ZC3H6: variants seen among roughly 807,000 people sequenced by gnomAD.
ZC3H6 encodes zinc finger CCCH-type containing 6.
ZC3H6 carries 40 observed loss-of-function variants against 107.7 expected under a neutral mutation model. The ratio of observed to expected loss-of-function variants is 0.37; its 90% CI spans 0.29 to 0.48. ZC3H6 has a LOEUF of 0.48. ZC3H6 is among the 20% of genes least tolerant of loss of function. ZC3H6 has a pLI of 0.98. For missense variants in ZC3H6, 1,267 were observed against 1,410.4 expected, an observed-to-expected ratio of 0.90 and a Z score of 1.63; for synonymous variants, 493 against 487.9, an observed-to-expected ratio of 1.01 and a Z score of -0.14.
chr2:112,325,215 A>T lies in ZC3H6; in HGVS notation c.2086+18A>T, dbSNP rs1246919165. On this transcript the variant is annotated intron_variant, in intron 11 of 11. Coordinates refer to ENST00000409871, the MANE Select transcript of ZC3H6 (RefSeq NM_198581.3). The stretch of plus-strand genomic sequence containing the variant: ...GGAAGAAGGTGTGTCAGAAGTTATT[A>T]ATAGCATCTTACCTATTTGGATGGG... 1.2e-6 allele frequency: 2 copies of T among 1,610,670 alleles called. No individual in the cohort carries two copies. Among genetic ancestry groups the T allele is most frequent in the Non-Finnish European group, 1.7e-6 (2 of 1,177,350 alleles).
chr2:112,317,352 T>TTAAATAA lies in ZC3H6; in HGVS notation c.976+20_976+21insTAAATAA. The TTAAATAA allele has an allele frequency of 7.9e-7, 1 of 1,272,836 alleles. No individual in the cohort carries two copies. The highest frequency in any genetic ancestry group is 1.1e-6 in the Non-Finnish European group (1 of 915,146). 78.8% of individuals were successfully genotyped at this position (1,272,836 alleles called of 1,614,324 possible). ...TGCATAATATCCTTTATTTAAAATG[T>TTAAATAA]ATGTTAAATAAAATGCTGGGGTTTT... On this transcript the variant is annotated intron_variant, in intron 7 of 11. Transcript: ENST00000409871.
At position 112,338,899 on chromosome 2, in the gene ZC3H6, AT is replaced by A. The variant is rs1558961241; in HGVS notation, c.*6412del. 2.2e-4 allele frequency: 13 copies of A among 58,158 alleles called. No individual in the cohort carries two copies. The highest frequency in any genetic ancestry group is 3.6e-4 in the Non-Finnish European group (11 of 30,716). 3.6% of individuals were successfully genotyped at this position (58,158 alleles called of 1,614,324 possible). ...TATATATATATATATATATATATATATATATATATATATAATTTTTTTTTTT... is the reference window on the plus strand; with the variant it reads ...TATATATATATATATATATATATATAATATATATATATAATTTTTTTTTTT... On this transcript the variant is annotated 3_prime_UTR_variant, in exon 12 of 12. Transcript: ENST00000409871.
intron 3 of ZC3H6, among the ~76,000 whole-genome samples, chr2:112,306,614 TG>T: frequency 6.6e-6 from 1 of 152,352 alleles, no homozygotes; most frequent in East Asian, 1.9e-4. Context: ...CCTAGGATGA[TG>T]TTCTTTTCCT....
intron 1 of ZC3H6, among the ~76,000 whole-genome samples, chr2:112,288,623 GTTC>G (rs889364424): frequency 2.6e-5 from 4 of 152,188 alleles, no homozygotes; most frequent in East Asian, 1.9e-4. Flanking sequence ...AGAGCTTTGT[GTTC>G]TTCTACCTTG....
Position 112,300,356 on chromosome 2 carries a change from C to T in ZC3H6, c.213+327C>T, listed in dbSNP as rs542361871. Among the ~76,000 whole-genome samples the T allele has an allele frequency of 2.6e-5, 4 of 152,204 alleles. No homozygotes were observed. In the East Asian group the frequency reaches 7.7e-4, roughly 29 times the overall value. Reference sequence around the variant, plus strand: ...GAGTAGCTGGAACTACAGGTGCACACCACCACACTTGGCTAATGTTTTATT... The same window carrying T: ...GAGTAGCTGGAACTACAGGTGCACATCACCACACTTGGCTAATGTTTTATT... On this transcript the variant is annotated intron_variant, in intron 2 of 11. Coordinates refer to ENST00000409871, the MANE Select transcript of ZC3H6 (RefSeq NM_198581.3).
rs1677119154 is a variant in ZC3H6, at chr2:112,335,233, G to A, written c.*2745G>A. 6.6e-6 allele frequency: 1 copy of A among 152,164 alleles called. No homozygotes were observed. The highest frequency in any genetic ancestry group is 1.5e-5 in the Non-Finnish European group (1 of 68,028). 9.4% of individuals were successfully genotyped at this position (152,164 alleles called of 1,614,324 possible). A position where few individuals can be genotyped will look rare whatever the true frequency, so the allele number is the denominator to read the frequency against. On this transcript the variant is annotated 3_prime_UTR_variant, in exon 12 of 12. Coordinates refer to ENST00000409871, the MANE Select transcript of ZC3H6 (RefSeq NM_198581.3). The stretch of plus-strand genomic sequence containing the variant: ...TTCTATATGGACCCTCTATTTCCCA[G>A]CTGAATGTTTCAAACCCCCAAATTA...
At chr2:112,287,768 A>AT (rs1686634474) in intron 1 of ZC3H6, among the ~76,000 whole-genome samples, 1 of 151,944 alleles carries the variant, frequency 6.6e-6, no homozygotes, top group Non-Finnish European at 1.5e-5. Context: ...CGCCCGGCTA[A>AT]TTTTTTTGTA....
At chr2:112,276,120 T>A in intron 1 of ZC3H6, 94 bp downstream of exon 1, 1 of 1,133,084 alleles carries the variant, frequency 8.8e-7, no homozygotes, top group Non-Finnish European at 1.3e-6. Flanking sequence ...CTGCATGACC[T>A]AGACGTCTCT....
chr2:112,329,981 A>G (rs1169803771), intron 11 of ZC3H6, among the ~76,000 whole-genome samples: 1 of 151,976 alleles, frequency 6.6e-6, no homozygotes, highest in Admixed American at 6.5e-5. Flanking sequence ...TGCATCTAAT[A>G]TGCTAGAGTT....
At position 112,327,292 on chromosome 2, in the gene ZC3H6, A is replaced by C. The variant is rs187327206; in HGVS notation, c.2086+2095A>C. Among the ~76,000 whole-genome samples the C allele has an allele frequency of 2.0e-3, 298 of 152,262 alleles. 3 individuals are homozygous for C. Among genetic ancestry groups the C allele is most frequent in the Middle Eastern group, 0.014 (4 of 294 alleles). On this transcript the variant is annotated intron_variant, in intron 11 of 11. Coordinates refer to ENST00000409871, the MANE Select transcript of ZC3H6 (RefSeq NM_198581.3). ...GATGAGTGATGTTGTGCACCTTTTC[A>C]TATCCCTGTGTGCCATTTTTATGTC...
intron 2 of ZC3H6, among the ~76,000 whole-genome samples, chr2:112,300,773 A>T (rs1373974762): frequency 6.6e-6 from 1 of 152,212 alleles, no homozygotes; most frequent in Non-Finnish European, 1.5e-5. Context: ...AAGCTATGAA[A>T]AAAACAACAA....
intron 1 of ZC3H6, among the ~76,000 whole-genome samples, chr2:112,293,964 G>T (rs1191627306): frequency 6.6e-6 from 1 of 152,208 alleles, no homozygotes; most frequent in Non-Finnish European, 1.5e-5. Context: ...CTGTAGCTAA[G>T]TAGTTTTTTA....
At position 112,276,014 on chromosome 2, in the gene ZC3H6, C is replaced by A; in HGVS notation, c.20C>A (p.Ala7Glu). 1 of 1,541,020 alleles carries A rather than the reference C, an allele frequency of 6.5e-7. No homozygotes were observed. Among genetic ancestry groups the A allele is most frequent in the Non-Finnish European group, 8.7e-7 (1 of 1,142,972 alleles). Residue 7 changes from alanine to glutamate, a missense_variant, in exon 1 of 12, where the codon GCA (alanine) becomes GAA (glutamate). By Grantham distance (107) the Ala-to-Glu change is moderately radical. Coordinates refer to ENST00000409871, the MANE Select transcript of ZC3H6 (RefSeq NM_198581.3). MTDSEH[A>E]GHDREDGELE... ...CCAAACATGACAGACTCTGAACATG[C>A]AGGGCACGACAGGTCGGGAACCCTT...
At chr2:112,280,332 T>C (rs145675752) in intron 1 of ZC3H6, among the ~76,000 whole-genome samples, 16,560 of 152,240 alleles carry the variant, frequency 0.11, 1,193 homozygotes, top group Non-Finnish European at 0.16. Context: ...CTTTAGCAAA[T>C]GTAAAACCTC....
intron 1 of ZC3H6, among the ~76,000 whole-genome samples, chr2:112,289,811 G>GC (rs1676067443): frequency 6.6e-6 from 1 of 152,212 alleles, no homozygotes; most frequent in African/African-American, 2.4e-5. Flanking sequence ...CCCAATGACA[G>GC]CTTACTCTAG....
intron 7 of ZC3H6, among the ~76,000 whole-genome samples, chr2:112,319,481 A>C (rs1409384996): frequency 1.3e-5 from 2 of 152,128 alleles, no homozygotes; most frequent in East Asian, 3.9e-4. Flanking sequence ...CCCCATCTCT[A>C]CTAAAAATAC....
intron 4 of ZC3H6, 100 bp downstream of exon 4, chr2:112,310,261 C>T: frequency 4.2e-6 from 5 of 1,189,260 alleles, no homozygotes; most frequent in East Asian, 2.5e-5. Context: ...TCAAGATTAG[C>T]TTATTCTTGT....
At chr2:112,288,758 C>T (rs1370882537) in intron 1 of ZC3H6, among the ~76,000 whole-genome samples, 2 of 152,200 alleles carry the variant, frequency 1.3e-5, no homozygotes, top group Admixed American at 1.3e-4. Context: ...TTTCCAGGTT[C>T]AGGTGACCTC....
chr2:112,297,886 A>G (rs1676272665), intron 1 of ZC3H6, among the ~76,000 whole-genome samples: 1 of 152,178 alleles, frequency 6.6e-6, no homozygotes, highest in African/African-American at 2.4e-5. Flanking sequence ...AGGCCAAGGC[A>G]GGCAGATCAC....
Sources: gnomAD v4.1 joint callset for allele counts (sites outside exome capture counted in the v4.1 genomes callset) on GRCh38, gnomAD v4.1.1 for gene constraint, MANE v1.5 for transcripts, NCBI Gene and HGNC (gene_info 2026-07-23, HGNC 2026-07-21) for gene names.